Variants in RYR3 observed in about 807,000 individuals in gnomAD.
The protein encoded by RYR3 is brain ryanodine receptor-calcium release channel.
RYR3 carries 207 observed loss-of-function variants against 584.3 expected under a neutral mutation model. That is an observed-to-expected ratio of 0.35 (90% CI 0.32 to 0.40). The LOEUF (loss-of-function observed/expected upper bound fraction) is 0.40, where lower values mean the gene tolerates loss of function less well. RYR3 is among the 10% of genes least tolerant of loss of function. The pLI is 1.00. For missense variants in RYR3, 5,616 were observed against 6,089.2 expected, an observed-to-expected ratio of 0.92 and a Z score of 2.59; for synonymous variants, 2,416 against 2,248.5, an observed-to-expected ratio of 1.07 and a Z score of -2.11.
chr15:33,569,383 T>C (rs79214918), intron 12 of RYR3, among the ~76,000 whole-genome samples: 4,488 of 152,270 alleles, frequency 0.029, 73 homozygotes, highest in Middle Eastern at 0.044. Flanking sequence ...AAACTCTGTA[T>C]TTATTAAACA....
chr15:33,559,534 G>C (rs948153235), intron 10 of RYR3, among the ~76,000 whole-genome samples: 8 of 152,168 alleles, frequency 5.3e-5, no homozygotes, highest in Admixed American at 4.6e-4. Context: ...CCATGGTTAA[G>C]GCAAGGCAAG....
intron 16 of RYR3, among the ~76,000 whole-genome samples, chr15:33,600,369 C>T (rs78091380): frequency 0.017 from 2,587 of 152,154 alleles, 30 homozygotes; most frequent in Non-Finnish European, 0.026. Flanking sequence ...CCTGCCATAT[C>T]GTGGCTGTTA....
intron 69 of RYR3, among the ~76,000 whole-genome samples, chr15:33,805,886 T>A (rs1028541658): frequency 1.3e-4 from 20 of 151,762 alleles, no homozygotes; most frequent in African/African-American, 4.8e-4. Context: ...GAACGCACAC[T>A]CATCCTCTTC....
At chr15:33,594,992 CT>C (rs1472926195) in intron 16 of RYR3, among the ~76,000 whole-genome samples, 2 of 152,178 alleles carry the variant, frequency 1.3e-5, no homozygotes, top group African/African-American at 4.8e-5. Flanking sequence ...TTTGACAATG[CT>C]TCCTGTATAA....
intron 1 of RYR3, among the ~76,000 whole-genome samples, chr15:33,420,143 T>A (rs2044134117): frequency 6.6e-6 from 1 of 152,196 alleles, no homozygotes; most frequent in South Asian, 2.1e-4. Context: ...TGTGTTACCA[T>A]AATCACACTT....
intron 1 of RYR3, among the ~76,000 whole-genome samples, chr15:33,424,543 A>C (rs1288340534): frequency 1.3e-5 from 2 of 152,168 alleles, no homozygotes; most frequent in East Asian, 3.9e-4. Flanking sequence ...GCCAGTGTAG[A>C]CCAGATAAGC....
chr15:33,483,753 G>A lies in RYR3; in HGVS notation c.171+10215G>A, dbSNP rs74381995. ...TATGAGTTGGCAAACAAATTGAGGGGAATTTGTATACTGATCTTGGGTTTT... is the reference window on the plus strand; with the variant it reads ...TATGAGTTGGCAAACAAATTGAGGGAAATTTGTATACTGATCTTGGGTTTT... On this transcript the variant is annotated intron_variant, in intron 2 of 103. Coordinates refer to ENST00000634891, the MANE Select transcript of RYR3 (RefSeq NM_001036.6). 1.6e-3 allele frequency among the ~76,000 whole-genome samples: 238 copies of A among 152,260 alleles called. 2 individuals are homozygous for A. Among genetic ancestry groups the A allele is most frequent in the East Asian group, 0.015 (76 of 5,176 alleles).
In RYR3 at chr15:33,741,415, G is replaced by A. The variant is rs140061328; in HGVS notation, c.7821-951G>A. On this transcript the variant is annotated intron_variant, in intron 51 of 103. Transcript: ENST00000634891. ...TCACCCAACTCAAGACTTAAATTCC[G>A]TGGAGAGAAAGTCTGATTTGCCCAG... 5.3e-3 allele frequency among the ~76,000 whole-genome samples: 802 copies of A among 152,232 alleles called. 3 individuals carry two copies. The highest frequency in any genetic ancestry group is 7.7e-3 in the Non-Finnish European group (521 of 68,022).
intron 43 of RYR3, among the ~76,000 whole-genome samples, chr15:33,721,082 A>G (rs2067871855): frequency 6.6e-6 from 1 of 152,242 alleles, no homozygotes; most frequent in Non-Finnish European, 1.5e-5. Context: ...ACTAAGTAAC[A>G]ATAAATGACC....
At chr15:33,565,928 C>T (rs752987973) in intron 11 of RYR3, among the ~76,000 whole-genome samples, 1 of 152,216 alleles carries the variant, frequency 6.6e-6, no homozygotes, top group Non-Finnish European at 1.5e-5. Flanking sequence ...ATAACAAACA[C>T]TCATTGAGCA....
At chr15:33,753,000 G>A (rs577427782) in intron 57 of RYR3, among the ~76,000 whole-genome samples, 12 of 152,160 alleles carry the variant, frequency 7.9e-5, no homozygotes, top group Non-Finnish European at 1.3e-4. Context: ...TTTATTGAAG[G>A]CCTTTTCTCC....
chr15:33,853,811 G>A, intron 96 of RYR3, 129 bp downstream of exon 96: 3 of 1,177,494 alleles, frequency 2.5e-6, no homozygotes, highest in South Asian at 1.8e-5. Flanking sequence ...TTTCTTCTAG[G>A]TTCTAACACT....
At position 33,663,599 on chromosome 15, in the gene RYR3, G is replaced by T; in HGVS notation, c.5481G>T (p.Val1827=). The T allele has an allele frequency of 2.5e-6, 4 of 1,613,750 alleles. No homozygotes were observed. Among genetic ancestry groups the T allele is most frequent in the Non-Finnish European group, 3.4e-6 (4 of 1,179,832 alleles). ...CELQHRVEAI[V]AFGDIYVSKL... ...TGCAGCACCGAGTGGAGGCCATTGT[G>T]GCATTTGGTGACATTTATGTCTCCA... is the stretch of plus-strand genomic sequence containing the variant. Residue 1827 remains valine (V), a synonymous_variant, in exon 36 of 104, where the codon GTG becomes GTT. Coordinates refer to ENST00000634891, the MANE Select transcript of RYR3 (RefSeq NM_001036.6).
At chr15:33,851,439 G>A (rs2079104638) in intron 94 of RYR3, 1 of 151,944 alleles carries the variant, frequency 6.6e-6, no homozygotes, top group African/African-American at 2.4e-5. Flanking sequence ...ATTACTAAAT[G>A]GGTTAAGCAT....
intron 7 of RYR3, among the ~76,000 whole-genome samples, chr15:33,541,726 C>T (rs1337359764): frequency 6.6e-6 from 1 of 152,106 alleles, no homozygotes; most frequent in East Asian, 1.9e-4. Flanking sequence ...CAAGGTGATA[C>T]CCCAGTTTCA....
At chr15:33,401,266 C>A (rs1003680391) in intron 1 of RYR3, among the ~76,000 whole-genome samples, 2 of 152,176 alleles carry the variant, frequency 1.3e-5, no homozygotes, top group African/African-American at 4.8e-5. Flanking sequence ...GCACTGTTTA[C>A]ACTCATAGAG....
In RYR3 at chr15:33,516,500, C is replaced by T. The variant is rs146891426; in HGVS notation, c.279+12762C>T. Among the ~76,000 whole-genome samples the T allele has an allele frequency of 7.3e-3, 1,107 of 152,140 alleles. 17 individuals are homozygous for T. The highest frequency in any genetic ancestry group is 0.025 in the African/African-American group (1,054 of 41,518). ...CTGGGATTACAGATGCCCACCACCACGCCTGGCTAATTTTTGGTAGAGACA... is the reference window on the plus strand; with the variant it reads ...CTGGGATTACAGATGCCCACCACCATGCCTGGCTAATTTTTGGTAGAGACA... On this transcript the variant is annotated intron_variant, in intron 3 of 103. Transcript: ENST00000634891.
intron 1 of RYR3, among the ~76,000 whole-genome samples, chr15:33,420,354 C>T (rs2044151067): frequency 6.6e-6 from 1 of 152,118 alleles, no homozygotes; most frequent in Non-Finnish European, 1.5e-5. Context: ...GGGTCTCAAG[C>T]CCAGGGCCTG....
intron 67 of RYR3, among the ~76,000 whole-genome samples, chr15:33,798,606 A>G (rs1289910419): frequency 6.6e-6 from 1 of 152,204 alleles, no homozygotes; most frequent in Non-Finnish European, 1.5e-5. Flanking sequence ...CATTCATCTT[A>G]TTGATCAGAA....
Sources: gnomAD v4.1 joint callset for allele counts (sites outside exome capture counted in the v4.1 genomes callset) on GRCh38, gnomAD v4.1.1 for gene constraint, MANE v1.5 for transcripts, NCBI Gene and HGNC (gene_info 2026-07-23, HGNC 2026-07-21) for gene names.